The following ZNF600 variants were observed in gnomAD, a reference collection of about 807,000 sequenced individuals.
ZNF600 encodes the protein zinc finger protein KR-ZNF1.
Under a neutral mutation model 7.3 loss-of-function variants are expected in ZNF600, and 4 were observed. That is an observed-to-expected ratio of 0.55 (90% CI 0.27 to 1.25). The LOEUF is 1.25. Ranked by LOEUF, ZNF600 falls within the 50% of genes most tolerant of loss-of-function variation. ZNF600 has a pLI of 0.12. For synonymous variants in ZNF600, 290 were observed against 308.9 expected, an observed-to-expected ratio of 0.94 and a Z score of 0.64; for missense variants, 911 against 922.1, an observed-to-expected ratio of 0.99 and a Z score of 0.16.
exon 4 of ZNF600, chr19:52,766,229 C>G (rs1183680688): frequency 8.1e-6 from 13 of 1,613,466 alleles, no homozygotes; most frequent in Non-Finnish European, 1.1e-5. Context: ...GGTATGACCT[C>G]AGACGGAAGG....
At chr19:52,818,136 C>G in the ZNF600 span, 1 of 1,186,536 alleles carries the variant, frequency 8.4e-7, no homozygotes, top group South Asian at 1.6e-5. Flanking sequence ...AATATGGTCC[C>G]CTATGCTGCC....
At chr19:52,817,270 G>A in the ZNF600 span, among the ~76,000 whole-genome samples, 3 of 152,092 alleles carry the variant, frequency 2.0e-5, no homozygotes, top group Non-Finnish European at 2.9e-5. Context: ...TACTCGGGAG[G>A]CTGAGGCAGG....
At chr19:52,768,214 T>C (rs1367467113) in intron 3 of ZNF600, among the ~76,000 whole-genome samples, 3 of 150,360 alleles carry the variant, frequency 2.0e-5, no homozygotes, top group Non-Finnish European at 4.4e-5. Context: ...CACAAACTCA[T>C]GTAAGGATAA....
At chr19:52,777,499 C>T (rs2062685614) in intron 2 of ZNF600, among the ~76,000 whole-genome samples, 1 of 152,048 alleles carries the variant, frequency 6.6e-6, no homozygotes, top group African/African-American at 2.4e-5. Flanking sequence ...TATGATTGCA[C>T]CACTGCACTC....
At chr19:52,764,984 C>A in exon 4 of ZNF600, 1 of 214,534 alleles carries the variant, frequency 4.7e-6, no homozygotes, top group Non-Finnish European at 9.5e-6. Context: ...GACCTATGTG[C>A]CTTGGCCTCC....
the ZNF600 span, among the ~76,000 whole-genome samples, chr19:52,828,396 G>A: frequency 6.6e-6 from 1 of 152,090 alleles, no homozygotes; most frequent in African/African-American, 2.4e-5. Flanking sequence ...GAACCCGGGA[G>A]GCAGAAGTTG....
the ZNF600 span, among the ~76,000 whole-genome samples, chr19:52,792,472 C>T: frequency 1.3e-5 from 2 of 152,056 alleles, no homozygotes; most frequent in Non-Finnish European, 2.9e-5. Context: ...CCTGTAATCC[C>T]AGCACTGTGG....
At chr19:52,802,783 C>A in the ZNF600 span, among the ~76,000 whole-genome samples, 1 of 144,224 alleles carries the variant, frequency 6.9e-6, no homozygotes, top group Non-Finnish European at 1.5e-5. Flanking sequence ...TTTTTTGCGA[C>A]GAAATCTTGC....
intron 3 of ZNF600, among the ~76,000 whole-genome samples, chr19:52,768,571 G>C (rs2062607661): frequency 1.3e-5 from 2 of 151,664 alleles, no homozygotes; most frequent in South Asian, 4.2e-4. Flanking sequence ...ATTTTTTTGA[G>C]ATGGAGTCTT....
At chr19:52,778,527 G>A (rs2062694741) in intron 2 of ZNF600, among the ~76,000 whole-genome samples, 1 of 152,094 alleles carries the variant, frequency 6.6e-6, no homozygotes, top group African/African-American at 2.4e-5. Flanking sequence ...TGTGGCCCCT[G>A]AACAATCCAG....
the ZNF600 span, among the ~76,000 whole-genome samples, chr19:52,792,706 C>T: frequency 1.2e-4 from 18 of 151,998 alleles, no homozygotes; most frequent in African/African-American, 4.3e-4. Context: ...CCACCATGCC[C>T]GGCTCAATCC....
At chr19:52,820,827 C>A in the ZNF600 span, among the ~76,000 whole-genome samples, 4 of 151,956 alleles carry the variant, frequency 2.6e-5, no homozygotes. Flanking sequence ...CCCTCACCAT[C>A]CTCTACTTTG....
chr19:52,777,041 C>A lies in ZNF600; in HGVS notation c.63+1785G>T, dbSNP rs181736904. 4.4e-4 allele frequency among the ~76,000 whole-genome samples: 67 copies of A among 152,182 alleles called. No homozygotes were observed. The East Asian group carries it at 0.011, about 26-fold the overall frequency. Reference sequence around the variant, plus strand: ...CAATGATGTAAGAAAGCATCCTGTACCACTGATGCCTATCTCCACTTTCCA... The same window carrying A: ...CAATGATGTAAGAAAGCATCCTGTAACACTGATGCCTATCTCCACTTTCCA... On this transcript the variant is annotated intron_variant, in intron 2 of 3. Transcript: ENST00000648973.
At chr19:52,810,441 T>A in the ZNF600 span, 4 of 1,598,984 alleles carry the variant, frequency 2.5e-6, no homozygotes, top group African/African-American at 5.4e-5. Flanking sequence ...AGGGTTTGCA[T>A]ATATAGAGTT....
intron 3 of ZNF600, among the ~76,000 whole-genome samples, chr19:52,768,268 C>T (rs2062604950): frequency 6.6e-6 from 1 of 151,072 alleles, no homozygotes; most frequent in Admixed American, 6.6e-5. Context: ...ATTATAGCAC[C>T]GAGAAGAGAA....
At chr19:52,784,921 TG>T (rs1416692609) in intron 1 of ZNF600, among the ~76,000 whole-genome samples, 1 of 151,936 alleles carries the variant, frequency 6.6e-6, no homozygotes, top group Non-Finnish European at 1.5e-5. Context: ...TTGACAGAGA[TG>T]GGGGGAGCCT....
At chr19:52,783,360 T>C (rs560794514) in intron 1 of ZNF600, among the ~76,000 whole-genome samples, 4 of 152,206 alleles carry the variant, frequency 2.6e-5, no homozygotes, top group African/African-American at 7.2e-5. Flanking sequence ...CCATCATTCC[T>C]TTTTTTGTTT....
At chr19:52,786,737 T>C (rs569641098) in exon 1 of ZNF600, 42 of 378,130 alleles carry the variant, frequency 1.1e-4, no homozygotes, top group East Asian at 4.1e-4. Flanking sequence ...TCACGCGCCG[T>C]GGTAGGACCT....
intron 3 of ZNF600, among the ~76,000 whole-genome samples, chr19:52,771,376 C>T (rs914744361): frequency 5.4e-5 from 8 of 147,262 alleles, no homozygotes; most frequent in Non-Finnish European, 1.2e-4. Context: ...TGCTTCATCA[C>T]CCAGGCTGGA....
Sources: gnomAD v4.1 joint callset for allele counts (sites outside exome capture counted in the v4.1 genomes callset) on GRCh38, gnomAD v4.1.1 for gene constraint, MANE v1.5 for transcripts, NCBI Gene and HGNC (gene_info 2026-07-23, HGNC 2026-07-21) for gene names.